Variants in CNTN5 observed in about 807,000 individuals in gnomAD.
The protein encoded by CNTN5 is contactin-5.
A neutral mutation model predicts 129.1 loss-of-function variants in CNTN5; 77 were observed. The ratio of observed to expected loss-of-function variants is 0.60; its 90% CI spans 0.50 to 0.72. The LOEUF (loss-of-function observed/expected upper bound fraction) is 0.72. CNTN5 is among the 30% of genes least tolerant of loss of function. The probability of loss-of-function intolerance (pLI) is 0.00; values close to 1 mark genes in which losing one functional copy is unlikely to be tolerated. For missense variants in CNTN5, 1,478 were observed against 1,328.8 expected (o/e 1.11, Z -1.75); for synonymous variants, 509 against 465.6 (o/e 1.09, Z -1.20).
intron 1 of CNTN5, among the ~76,000 whole-genome samples, chr11:99,311,217 G>A (rs1458917574): frequency 2.0e-5 from 3 of 152,026 alleles, no homozygotes; most frequent in African/African-American, 4.8e-5. Context: ...ATGAGCCACC[G>A]CACCCAGCCT....
chr11:100,207,449 T>A (rs986288758), intron 15 of CNTN5, among the ~76,000 whole-genome samples: 1 of 152,132 alleles, frequency 6.6e-6, no homozygotes, highest in Non-Finnish European at 1.5e-5. Flanking sequence ...CAGGCAAAAT[T>A]AGATAAAATA....
intron 1 of CNTN5, among the ~76,000 whole-genome samples, chr11:99,321,337 A>C (rs1865562312): frequency 6.7e-6 from 1 of 149,276 alleles, no homozygotes; most frequent in African/African-American, 2.4e-5. Context: ...ATATACATAT[A>C]TTTATATACA....
intron 1 of CNTN5, among the ~76,000 whole-genome samples, chr11:99,175,241 C>G (rs890499437): frequency 5.9e-5 from 9 of 151,636 alleles, no homozygotes; most frequent in African/African-American, 2.4e-5. Flanking sequence ...CCTCCCAAAA[C>G]AGAAAATAAA....
intron 6 of CNTN5, among the ~76,000 whole-genome samples, chr11:99,864,102 T>C (rs1012850333): frequency 6.6e-6 from 1 of 152,188 alleles, no homozygotes; most frequent in Non-Finnish European, 1.5e-5. Flanking sequence ...CTGGTGCATA[T>C]TGTTAATGCA....
intron 1 of CNTN5, among the ~76,000 whole-genome samples, chr11:99,266,450 A>C (rs564777224): frequency 4.6e-5 from 7 of 152,056 alleles, no homozygotes; most frequent in Non-Finnish European, 7.4e-5. Flanking sequence ...GATTTTTTAA[A>C]AGTTATCCAG....
At chr11:99,534,477 A>T (rs892676379) in intron 2 of CNTN5, among the ~76,000 whole-genome samples, 2 of 151,786 alleles carry the variant, frequency 1.3e-5, no homozygotes, top group Admixed American at 1.3e-4. Context: ...ATCACAAAAA[A>T]TGCCTTCTAA....
At chr11:99,499,554 A>G (rs1338591253) in intron 2 of CNTN5, among the ~76,000 whole-genome samples, 1 of 152,268 alleles carries the variant, frequency 6.6e-6, no homozygotes, top group East Asian at 1.9e-4. Context: ...TCTGTTCTTT[A>G]TAAATTACCC....
intron 3 of CNTN5, among the ~76,000 whole-genome samples, chr11:99,689,511 A>G (rs972858807): frequency 8.9e-6 from 1 of 112,680 alleles, no homozygotes; most frequent in Non-Finnish European, 1.7e-5. Context: ...TGGGCGACAG[A>G]GTGAGACTCC....
chr11:100,052,643 T>C (rs556487073), intron 9 of CNTN5, among the ~76,000 whole-genome samples: 5 of 151,842 alleles, frequency 3.3e-5, no homozygotes, highest in Non-Finnish European at 7.4e-5. Flanking sequence ...ACAGTTGATA[T>C]ATGTATTAAA....
chr11:99,551,377 T>TG (rs557017059), intron 2 of CNTN5, among the ~76,000 whole-genome samples: 11 of 152,180 alleles, frequency 7.2e-5, no homozygotes, highest in Non-Finnish European at 1.3e-4. Context: ...GGTTGTCTGG[T>TG]CTCTCACAGG....
Position 100,271,103 on chromosome 11 carries a change from A to G in CNTN5, c.2176A>G (p.Ile726Val), listed in dbSNP as rs976148045. 1.6e-5 allele frequency: 26 copies of G among 1,601,058 alleles called. No individual in the cohort carries two copies. The highest frequency in any genetic ancestry group is 2.2e-5 in the East Asian group (1 of 44,644). The change falls in exon 18 of 25, where the codon ATA becomes GTA. Residue 726 changes from isoleucine (I) to valine (V), a missense_variant. Coordinates refer to ENST00000524871, the MANE Select transcript of CNTN5 (RefSeq NM_014361.4). Reference sequence around the variant, plus strand: ...CTTCCTTTCTATAGTCCCAGAAATCATAACAGGGGACATGGAGTCAGCCAT... The same window carrying G: ...CTTCCTTTCTATAGTCCCAGAAATCGTAACAGGGGACATGGAGTCAGCCAT... ...WQTVKTVPEIITGDMESAMAV... is the reference protein window; with the variant it reads ...WQTVKTVPEIVTGDMESAMAV...
intron 13 of CNTN5, among the ~76,000 whole-genome samples, chr11:100,077,422 G>T (rs1944175175): frequency 6.6e-6 from 1 of 151,878 alleles, no homozygotes; most frequent in African/African-American, 2.4e-5. Flanking sequence ...TGTTGTTTTG[G>T]GTTCATTCCA....
At chr11:99,458,177 T>C (rs1011822546) in intron 2 of CNTN5, among the ~76,000 whole-genome samples, 12 of 152,108 alleles carry the variant, frequency 7.9e-5, no homozygotes, top group African/African-American at 2.2e-4. Context: ...ATATTAACTA[T>C]TGTTAAGAAA....
intron 15 of CNTN5, among the ~76,000 whole-genome samples, chr11:100,217,628 A>T (rs912735619): frequency 6.6e-6 from 1 of 152,204 alleles, no homozygotes; most frequent in African/African-American, 2.4e-5. Context: ...TGGAGCATAG[A>T]CTTAGTGAAA....
intron 2 of CNTN5, among the ~76,000 whole-genome samples, chr11:99,453,201 C>T (rs1944374589): frequency 6.6e-6 from 1 of 152,120 alleles, no homozygotes; most frequent in Non-Finnish European, 1.5e-5. Flanking sequence ...ATTGATGAAT[C>T]ATATTTTATT....
At chr11:99,385,917 C>T (rs1940898318) in intron 2 of CNTN5, among the ~76,000 whole-genome samples, 2 of 152,130 alleles carry the variant, frequency 1.3e-5, no homozygotes, top group Admixed American at 1.3e-4. Flanking sequence ...ATTTGAAACC[C>T]CATTCATAGC....
At chr11:99,241,463 C>T (rs1211838894) in intron 1 of CNTN5, among the ~76,000 whole-genome samples, 1 of 151,570 alleles carries the variant, frequency 6.6e-6, no homozygotes, top group African/African-American at 2.4e-5. Flanking sequence ...AGTGTGAGCA[C>T]CAAAATCACT....
intron 9 of CNTN5, among the ~76,000 whole-genome samples, chr11:100,050,049 T>C (rs1231688529): frequency 6.6e-6 from 1 of 152,168 alleles, no homozygotes; most frequent in Non-Finnish European, 1.5e-5. Flanking sequence ...AGTTCAACCA[T>C]TGTGGAAGTC....
At chr11:99,560,729 C>T (rs915430122) in intron 3 of CNTN5, among the ~76,000 whole-genome samples, 14 of 152,050 alleles carry the variant, frequency 9.2e-5, no homozygotes, top group African/African-American at 3.4e-4. Flanking sequence ...AATATTTTTT[C>T]CCATGTCAGC....
Sources: gnomAD v4.1 joint callset for allele counts (sites outside exome capture counted in the v4.1 genomes callset) on GRCh38, gnomAD v4.1.1 for gene constraint, MANE v1.5 for transcripts, NCBI Gene and HGNC (gene_info 2026-07-23, HGNC 2026-07-21) for gene names.